Variants in COBL observed in about 807,000 individuals in gnomAD.
COBL encodes protein cordon-bleu.
A neutral mutation model predicts 98.8 loss-of-function variants in COBL; 51 were observed. The observed-to-expected ratio is 0.52, with a 90% CI of 0.41 to 0.65. The LOEUF is 0.65. Among genes scored for constraint, COBL ranks in the 30% least tolerant of loss-of-function variants. The pLI is 0.00. For missense variants in COBL, 1,617 were observed against 1,617.5 expected, an observed-to-expected ratio of 1.00 and a Z score of 0.01; for synonymous variants, 634 against 651.7, an observed-to-expected ratio of 0.97 and a Z score of 0.41.
intron 8 of COBL, chr7:51,031,620 G>A (rs1249842202): frequency 1.3e-5 from 2 of 152,388 alleles, no homozygotes; most frequent in Non-Finnish European, 2.9e-5. Context: ...GCCTCCATCT[G>A]TGTCCACCCT....
chr7:51,308,048 G>A (rs1802652613), intron 1 of COBL, among the ~76,000 whole-genome samples: 1 of 152,226 alleles, frequency 6.6e-6, no homozygotes, highest in African/African-American at 2.4e-5. Flanking sequence ...TAGACAACAA[G>A]ACAGATGGAT....
chr7:51,084,054 T>C (rs1408703062), intron 7 of COBL, among the ~76,000 whole-genome samples: 1 of 152,174 alleles, frequency 6.6e-6, no homozygotes, highest in African/African-American at 2.4e-5. Context: ...CCACTGATAA[T>C]GTTTTCTTTC....
intron 5 of COBL, among the ~76,000 whole-genome samples, chr7:51,176,938 C>T (rs2129047375): frequency 6.6e-6 from 1 of 152,242 alleles, no homozygotes; most frequent in South Asian, 2.1e-4. Context: ...GTTCATGTGA[C>T]TTCAGTAATC....
At position 51,301,421 on chromosome 7, in the gene COBL, G is replaced by A. The variant is rs192254894; in HGVS notation, c.41+15172C>T. ...GGGCCCCCATCACCTGTACCTCAGC[G>A]CGGAACTCACAACACAGTGGCACTG... On this transcript the variant is annotated intron_variant, in intron 1 of 12. Coordinates refer to ENST00000265136, the MANE Select transcript of COBL (RefSeq NM_015198.5). Among the ~76,000 whole-genome samples, 112 of 152,262 alleles carry A rather than the reference G, an allele frequency of 7.4e-4. 2 individuals are homozygous for A. Among genetic ancestry groups the A allele is most frequent in the Middle Eastern group, 3.4e-3 (1 of 294 alleles).
intron 5 of COBL, among the ~76,000 whole-genome samples, chr7:51,166,950 A>G (rs1787380975): frequency 6.6e-6 from 1 of 152,196 alleles, no homozygotes; most frequent in Non-Finnish European, 1.5e-5. Context: ...GAAGTAACAT[A>G]TCTTAACATA....
At chr7:51,133,306 T>C (rs1042358415) in intron 6 of COBL, among the ~76,000 whole-genome samples, 2 of 152,232 alleles carry the variant, frequency 1.3e-5, no homozygotes, top group Non-Finnish European at 2.9e-5. Context: ...GCTAACTTTA[T>C]GGAAAACTGC....
intron 6 of COBL, among the ~76,000 whole-genome samples, chr7:51,087,119 A>AAC (rs148428247): frequency 0.73 from 109,046 of 149,382 alleles, 40,002 homozygotes; most frequent in African/African-American, 0.82. Context: ...CATACACACA[A>AAC]ACACACACAC....
intron 7 of COBL, among the ~76,000 whole-genome samples, chr7:51,061,950 T>TACACACACACACACACATACACAC (rs1554364724): frequency 2.1e-4 from 31 of 145,532 alleles, no homozygotes; most frequent in African/African-American, 8.4e-4. Flanking sequence ...CCACCATAGA[T>TACACACACACACACACATACACAC]ACACACACAC....
At chr7:51,316,441 ACACCAGCACCGCAC>A (rs1341490185) in intron 1 of COBL, 138 bp downstream of exon 1, 6 of 501,128 alleles carry the variant, frequency 1.2e-5, no homozygotes, top group Non-Finnish European at 1.8e-5. Flanking sequence ...CCAGCACCCA[ACACCAGCACCGCAC>A]CACCTGCTCC....
At chr7:51,244,089 T>A (rs1796070867) in intron 1 of COBL, among the ~76,000 whole-genome samples, 1 of 152,178 alleles carries the variant, frequency 6.6e-6, no homozygotes, top group Admixed American at 6.5e-5. Flanking sequence ...CACGCCCTCC[T>A]CTCCAGCACA....
chr7:51,246,272 C>T (rs1436148542), intron 1 of COBL, among the ~76,000 whole-genome samples: 1 of 152,162 alleles, frequency 6.6e-6, no homozygotes, highest in African/African-American at 2.4e-5. Context: ...AAATGGCCTG[C>T]AGCAAGTCTA....
At chr7:51,192,584 C>A (rs1354807008) in intron 3 of COBL, among the ~76,000 whole-genome samples, 1 of 152,100 alleles carries the variant, frequency 6.6e-6, no homozygotes, top group African/African-American at 2.4e-5. Context: ...CCAGCCTGGG[C>A]AACAAGAGTG....
At chr7:51,020,552 G>A (rs1786826914) in intron 12 of COBL, among the ~76,000 whole-genome samples, 1 of 152,210 alleles carries the variant, frequency 6.6e-6, no homozygotes, top group African/African-American at 2.4e-5. Context: ...GTACATTCCA[G>A]GCCTTCTGAA....
At chr7:51,125,580 T>C (rs1427571148) in intron 6 of COBL, among the ~76,000 whole-genome samples, 1 of 152,214 alleles carries the variant, frequency 6.6e-6, no homozygotes, top group Non-Finnish European at 1.5e-5. Flanking sequence ...CAAACTGTCA[T>C]GGAGCCGGGC....
chr7:51,144,178 G>A (rs749022), intron 5 of COBL, among the ~76,000 whole-genome samples: 4,312 of 152,286 alleles, frequency 0.028, 173 homozygotes, highest in Admixed American at 0.085. Flanking sequence ...GGTTAGGGAG[G>A]AAATCTAAAC....
At chr7:51,205,639 G>T (rs1275233625) in intron 2 of COBL, among the ~76,000 whole-genome samples, 3 of 133,334 alleles carry the variant, frequency 2.2e-5, no homozygotes, top group Non-Finnish European at 3.2e-5. Flanking sequence ...TTTGTTTTTT[G>T]GTTTTTTGTT....
At chr7:51,262,298 G>A (rs1797793422) in intron 1 of COBL, among the ~76,000 whole-genome samples, 1 of 152,194 alleles carries the variant, frequency 6.6e-6, no homozygotes, top group African/African-American at 2.4e-5. Flanking sequence ...GGACAGAGGA[G>A]GGGCAGACTC....
chr7:51,193,329 G>T (rs201191375), intron 3 of COBL, 50 bp downstream of exon 3: 331 of 1,539,574 alleles, frequency 2.1e-4, no homozygotes, highest in Non-Finnish European at 2.8e-4. Flanking sequence ...CCCTACTCAG[G>T]ACCTGCCACA....
chr7:51,275,700 T>A (rs1484761521), intron 1 of COBL, among the ~76,000 whole-genome samples: 1 of 152,050 alleles, frequency 6.6e-6, no homozygotes. Context: ...ACTGCTCTTG[T>A]GAGCTCCGCA....
Sources: gnomAD v4.1 joint callset for allele counts (sites outside exome capture counted in the v4.1 genomes callset) on GRCh38, gnomAD v4.1.1 for gene constraint, MANE v1.5 for transcripts, NCBI Gene and HGNC (gene_info 2026-07-23, HGNC 2026-07-21) for gene names.